CAMK1D: variants seen among roughly 807,000 people sequenced by gnomAD.
CAMK1D encodes calcium/calmodulin-dependent protein kinase type 1D.
Under a neutral mutation model 47.7 loss-of-function variants are expected in CAMK1D, and 9 were observed. That is an observed-to-expected ratio of 0.19 (90% confidence interval 0.11 to 0.33). The LOEUF is 0.33. CAMK1D is among the 10% of genes least tolerant of loss of function. CAMK1D has a pLI of 1.00. For synonymous variants in CAMK1D, 184 were observed against 184.9 expected, an observed-to-expected ratio of 0.99 and a Z score of 0.04; for missense variants, 291 against 488.7, an observed-to-expected ratio of 0.60 and a Z score of 3.81.
At chr10:12,370,291 A>G (rs1837966680) in intron 1 of CAMK1D, among the ~76,000 whole-genome samples, 1 of 152,176 alleles carries the variant, frequency 6.6e-6, no homozygotes, top group Non-Finnish European at 1.5e-5. Context: ...AGTCCGGCAC[A>G]TACAATTATG....
intron 1 of CAMK1D, among the ~76,000 whole-genome samples, chr10:12,412,455 C>CAA (rs1180559333): frequency 0.21 from 24,617 of 118,554 alleles, 2,722 homozygotes; most frequent in Middle Eastern, 0.25. Context: ...ACTAAAAATA[C>CAA]AAAAAAAAAA....
At chr10:12,431,877 C>A (rs1400239203) in intron 1 of CAMK1D, among the ~76,000 whole-genome samples, 1 of 152,232 alleles carries the variant, frequency 6.6e-6, no homozygotes, top group Non-Finnish European at 1.5e-5. Flanking sequence ...TCTGATGATT[C>A]CTGACTCTTC....
chr10:12,745,607 C>T (rs1472795935), intron 3 of CAMK1D, among the ~76,000 whole-genome samples: 3 of 144,872 alleles, frequency 2.1e-5, no homozygotes, highest in East Asian at 2.0e-4. Flanking sequence ...TTCTTTTTTT[C>T]TTTTTTTTTT....
Position 12,477,115 on chromosome 10 carries a change from C to G in CAMK1D, c.93-76110C>G, listed in dbSNP as rs535045186. ...GGATTGTCAGAAAGAACGCAGGTCACAAGAAGAAGAGAAGTCCTGGCTAGG... is the reference window on the plus strand; with the variant it reads ...GGATTGTCAGAAAGAACGCAGGTCAGAAGAAGAAGAGAAGTCCTGGCTAGG... On this transcript the variant is annotated intron_variant, in intron 1 of 10. Transcript: ENST00000619168. Among the ~76,000 whole-genome samples, 7 of 152,106 alleles carry G rather than the reference C, an allele frequency of 4.6e-5. No individual in the cohort carries two copies. The East Asian group carries it at 1.4e-3, about 29-fold the overall frequency.
At position 12,605,144 on chromosome 10, in the gene CAMK1D, C is replaced by T. The variant is rs919431992; in HGVS notation, c.224+51788C>T. The stretch of plus-strand genomic sequence containing the variant: ...CCTTGTATCTGCCTGCCTCGGCCTC[C>T]CAAAGTGCTGGGATTAGAGGCATGA... On this transcript the variant is annotated intron_variant, in intron 2 of 10. Coordinates refer to ENST00000619168, the MANE Select transcript of CAMK1D (RefSeq NM_153498.4). Among the ~76,000 whole-genome samples the T allele has an allele frequency of 2.0e-5, 3 of 152,102 alleles. No individual in the cohort carries two copies. In the East Asian group the frequency reaches 5.8e-4, roughly 29 times the overall value.
chr10:12,635,633 T>C (rs1218468334), intron 2 of CAMK1D, among the ~76,000 whole-genome samples: 1 of 152,180 alleles, frequency 6.6e-6, no homozygotes, highest in Non-Finnish European at 1.5e-5. Context: ...TTTGCAAATA[T>C]CAGTATTTGC....
intron 8 of CAMK1D, 68 bp downstream of exon 8, chr10:12,816,396 T>C (rs2131087797): frequency 1.6e-6 from 2 of 1,214,378 alleles, no homozygotes; most frequent in East Asian, 4.7e-5. Flanking sequence ...CGAAACTTCC[T>C]GTTGGCCGTT....
chr10:12,514,988 C>T (rs201702125), intron 1 of CAMK1D, among the ~76,000 whole-genome samples: 2 of 151,958 alleles, frequency 1.3e-5, no homozygotes, highest in Non-Finnish European at 2.9e-5. Context: ...CTAGCTGGGA[C>T]TACAGGTGTG....
chr10:12,505,166 T>G (rs1564377920), intron 1 of CAMK1D, among the ~76,000 whole-genome samples: 1 of 152,190 alleles, frequency 6.6e-6, no homozygotes, highest in Admixed American at 6.5e-5. Context: ...GCCGTCCGTG[T>G]GAGCAGTCTA....
At chr10:12,790,553 A>G (rs983776640) in intron 5 of CAMK1D, among the ~76,000 whole-genome samples, 5 of 152,142 alleles carry the variant, frequency 3.3e-5, no homozygotes, top group Non-Finnish European at 7.3e-5. Context: ...ATAGCCATGT[A>G]TTATGTGTTT....
intron 1 of CAMK1D, among the ~76,000 whole-genome samples, chr10:12,414,212 TAGG>T (rs1019457738): frequency 6.6e-6 from 1 of 152,216 alleles, no homozygotes; most frequent in Non-Finnish European, 1.5e-5. Context: ...GATGGCGAAA[TAGG>T]AGGCATGCGT....
intron 1 of CAMK1D, among the ~76,000 whole-genome samples, chr10:12,526,599 A>G (rs2132208768): frequency 6.6e-6 from 1 of 152,250 alleles, no homozygotes; most frequent in African/African-American, 2.4e-5. Context: ...CTGGCCTCAG[A>G]GCAAAACAAG....
At chr10:12,672,220 C>T (rs570247594) in intron 3 of CAMK1D, among the ~76,000 whole-genome samples, 7 of 151,822 alleles carry the variant, frequency 4.6e-5, no homozygotes, top group Admixed American at 4.6e-4. Context: ...GGGCCACTGT[C>T]ACCTAATTCT....
chr10:12,608,270 T>C (rs1333198234), intron 2 of CAMK1D, among the ~76,000 whole-genome samples: 1 of 151,996 alleles, frequency 6.6e-6, no homozygotes, highest in Non-Finnish European at 1.5e-5. Context: ...AATACAAAAA[T>C]TAGCAGGCAT....
chr10:12,590,976 T>G (rs1471462962), intron 2 of CAMK1D, among the ~76,000 whole-genome samples: 1 of 152,212 alleles, frequency 6.6e-6, no homozygotes, highest in African/African-American at 2.4e-5. Flanking sequence ...GCATCAATCT[T>G]TATGCCTCCG....
In CAMK1D at chr10:12,696,128, C is replaced by T. The variant is rs566258680; in HGVS notation, c.299+29318C>T. Among the ~76,000 whole-genome samples, 6 of 152,168 alleles carry T rather than the reference C, an allele frequency of 3.9e-5. No homozygotes were observed. In the East Asian group the frequency reaches 9.7e-4, roughly 25 times the overall value. On this transcript the variant is annotated intron_variant, in intron 3 of 10. Transcript: ENST00000619168. ...AATAAAATAAACGAATATTATTTGA[C>T]CTCTTTGGAAATCTTGCCATACTTT...
chr10:12,766,345 C>T (rs1354444959), intron 4 of CAMK1D, among the ~76,000 whole-genome samples: 1 of 141,312 alleles, frequency 7.1e-6, no homozygotes, highest in African/African-American at 2.6e-5. Flanking sequence ...CCTGGCCAGC[C>T]CCACGTTGCC....
chr10:12,594,551 G>A (rs1043289143), intron 2 of CAMK1D, among the ~76,000 whole-genome samples: 4 of 152,152 alleles, frequency 2.6e-5, no homozygotes, highest in Non-Finnish European at 5.9e-5. Context: ...CCACCAAGTG[G>A]GCCAATGACA....
intron 2 of CAMK1D, among the ~76,000 whole-genome samples, chr10:12,623,645 C>T: frequency 6.6e-6 from 1 of 151,660 alleles, no homozygotes; most frequent in South Asian, 2.1e-4. Flanking sequence ...CAAATGGTTG[C>T]CCTGGAGAAT....
Sources: allele counts gnomAD v4.1 joint callset (sites outside exome capture counted in the v4.1 genomes callset), GRCh38; gene constraint gnomAD v4.1.1; transcripts MANE v1.5; gene names NCBI Gene and HGNC (gene_info 2026-07-23, HGNC 2026-07-21).